ADGRA3: variants seen among roughly 807,000 people sequenced by gnomAD.
ADGRA3 encodes adhesion G protein-coupled receptor A3.
In ADGRA3, 56 loss-of-function variants were observed where a neutral mutation model predicts 119.8. The observed-to-expected ratio is 0.47, with a 90% CI of 0.38 to 0.58. The LOEUF is 0.58. Ranked by LOEUF, ADGRA3 falls within the 20% of genes least tolerant of loss-of-function variation. The pLI is 0.00. For missense variants in ADGRA3, 1,516 were observed against 1,649.0 expected (o/e 0.92, Z 1.40); for synonymous variants, 607 against 623.8 (o/e 0.97, Z 0.40).
intron 10 of ADGRA3, among the ~76,000 whole-genome samples, chr4:22,429,118 TA>T (rs938585144): frequency 6.6e-6 from 1 of 151,892 alleles, no homozygotes; most frequent in Non-Finnish European, 1.5e-5. Flanking sequence ...TTCAAAACTT[TA>T]AAAAAAACTG....
chr4:22,427,476 C>T (rs1362249545), intron 10 of ADGRA3, among the ~76,000 whole-genome samples: 1 of 150,484 alleles, frequency 6.6e-6, no homozygotes, highest in Non-Finnish European at 1.5e-5. Context: ...AAAAAAACAA[C>T]AAATATCTCT....
chr4:22,468,246 TG>T (rs1350268070), intron 2 of ADGRA3, among the ~76,000 whole-genome samples: 2 of 152,214 alleles, frequency 1.3e-5, no homozygotes, highest in Non-Finnish European at 2.9e-5. Flanking sequence ...CACAGCAGGC[TG>T]CTCTGCTCCT....
intron 9 of ADGRA3, among the ~76,000 whole-genome samples, 173 bp downstream of exon 9, chr4:22,436,267 C>CT (rs2109061721): frequency 6.6e-6 from 1 of 151,630 alleles, no homozygotes; most frequent in Admixed American, 6.6e-5. Flanking sequence ...TATAGAGGGC[C>CT]TTGACTAGTG....
At chr4:22,469,868 C>G (rs1169795890) in intron 2 of ADGRA3, among the ~76,000 whole-genome samples, 1 of 152,194 alleles carries the variant, frequency 6.6e-6, no homozygotes, top group African/African-American at 2.4e-5. Flanking sequence ...TCATCCCATT[C>G]CACCACAAAC....
rs772721601 is a variant in ADGRA3, at chr4:22,387,787, T to C, written c.3884A>G (p.Asn1295Ser). The change falls in exon 19 of 19, where the codon AAT (asparagine) becomes AGT (serine). Residue 1295 changes from asparagine to serine, a missense_variant. By Grantham distance (46) the Asn-to-Ser change is conservative. This residue lies in a region of ADGRA3 where 1,088 missense variants were observed against 1,107.1 expected (regional missense o/e 0.98). Coordinates refer to ENST00000334304, the MANE Select transcript of ADGRA3 (RefSeq NM_145290.4). ...ACCGAGCAAGGGTCCCTCCTGCCCATTGCTTTTAATTGGTCCATTCTGAAT... is the reference window on the plus strand; with the variant it reads ...ACCGAGCAAGGGTCCCTCCTGCCCACTGCTTTTAATTGGTCCATTCTGAAT... Reference protein sequence around the residue: ...LAIQNGPIKSNGQEGPLLGTD... With the variant: ...LAIQNGPIKSSGQEGPLLGTD... 1.9e-6 allele frequency: 3 copies of C among 1,614,140 alleles called. No homozygotes were observed. Among genetic ancestry groups the C allele is most frequent in the Admixed American group, 1.7e-5 (1 of 60,024 alleles).
At chr4:22,435,987 G>C (rs747539319) in intron 9 of ADGRA3, among the ~76,000 whole-genome samples, 2 of 152,076 alleles carry the variant, frequency 1.3e-5, no homozygotes, top group Admixed American at 1.3e-4. Flanking sequence ...AGGGGCAAAA[G>C]AAAATACATT....
chr4:22,468,161 C>A (rs964448785), intron 2 of ADGRA3, among the ~76,000 whole-genome samples: 4 of 152,166 alleles, frequency 2.6e-5, no homozygotes, highest in Non-Finnish European at 4.4e-5. Context: ...TCACCTCCAA[C>A]CACAAAGTCA....
chr4:22,392,737 C>A, intron 16 of ADGRA3, 47 bp from the exon 17 acceptor site: 3 of 1,552,570 alleles, frequency 1.9e-6, no homozygotes, highest in Non-Finnish European at 2.6e-6. Flanking sequence ...AATGTTCCTA[C>A]TAAGGCTTAC....
intron 8 of ADGRA3, among the ~76,000 whole-genome samples, chr4:22,437,232 CTT>C (rs1716431772): frequency 6.6e-6 from 1 of 152,094 alleles, no homozygotes. Context: ...ACATAAAAGA[CTT>C]ATCCATTGGC....
chr4:22,423,021 C>A (rs887310596), intron 11 of ADGRA3, among the ~76,000 whole-genome samples: 1 of 152,000 alleles, frequency 6.6e-6, no homozygotes. Flanking sequence ...CGTAATGTAA[C>A]CCCGTCTCTA....
chr4:22,508,583 TC>T (rs1396633592), intron 1 of ADGRA3, among the ~76,000 whole-genome samples: 1 of 152,192 alleles, frequency 6.6e-6, no homozygotes, highest in East Asian at 1.9e-4. Context: ...TTACTCTTGA[TC>T]CAATGGCTCT....
rs372373246 is a variant in ADGRA3, at chr4:22,387,816, C to T, written c.3855G>A (p.Leu1285=). The change falls in exon 19 of 19, where the codon TTG becomes TTA. Residue 1285 remains leucine (L), a synonymous_variant. Coordinates refer to ENST00000334304, the MANE Select transcript of ADGRA3 (RefSeq NM_145290.4). ...TTTTAATTGGTCCATTCTGAATGGCCAAGTTGAGGCCATAAGATTTTTGCT... is the reference window on the plus strand; with the variant it reads ...TTTTAATTGGTCCATTCTGAATGGCTAAGTTGAGGCCATAAGATTTTTGCT... ...ENQQKSYGLN[L]AIQNGPIKSN... is the part of the protein sequence containing the mutation. 9 of 1,614,094 alleles carry T rather than the reference C, an allele frequency of 5.6e-6. No homozygotes were observed. The highest frequency in any genetic ancestry group is 7.6e-6 in the Non-Finnish European group (9 of 1,179,990).
chr4:22,419,999 A>G (rs531726991), intron 12 of ADGRA3: 1 of 152,740 alleles, frequency 6.5e-6, no homozygotes, highest in Non-Finnish European at 1.5e-5. Flanking sequence ...GCTCTCTTTA[A>G]TGGTGGTCAC....
At chr4:22,432,258 C>T (rs1053367189) in intron 10 of ADGRA3, among the ~76,000 whole-genome samples, 3 of 151,994 alleles carry the variant, frequency 2.0e-5, no homozygotes, top group African/African-American at 4.8e-5. Context: ...ATTCTCTGAA[C>T]CCATTTCAGA....
At chr4:22,473,721 G>A in intron 2 of ADGRA3, 51 bp downstream of exon 2, 1 of 1,007,550 alleles carries the variant, frequency 9.9e-7, no homozygotes, top group South Asian at 1.9e-5. Flanking sequence ...GATTTACAAT[G>A]AAAATGCATT....
intron 1 of ADGRA3, among the ~76,000 whole-genome samples, chr4:22,477,117 C>A (rs569863226): frequency 8.6e-5 from 13 of 151,942 alleles, no homozygotes; most frequent in Non-Finnish European, 1.5e-5. Flanking sequence ...TTGAGTGTAT[C>A]TTAGAAATAA....
chr4:22,490,767 G>A (rs1489774304), intron 1 of ADGRA3, among the ~76,000 whole-genome samples: 1 of 152,144 alleles, frequency 6.6e-6, no homozygotes, highest in Non-Finnish European at 1.5e-5. Context: ...CAAAGAAGGG[G>A]AAAATCATTT....
At chr4:22,480,035 A>G (rs1000172698) in intron 1 of ADGRA3, among the ~76,000 whole-genome samples, 1 of 152,154 alleles carries the variant, frequency 6.6e-6, no homozygotes, top group Non-Finnish European at 1.5e-5. Flanking sequence ...TAGGAGAAAT[A>G]CCTACTGTAG....
At chr4:22,399,681 C>T (rs1311871756) in intron 16 of ADGRA3, among the ~76,000 whole-genome samples, 3 of 152,126 alleles carry the variant, frequency 2.0e-5, no homozygotes, top group African/African-American at 7.2e-5. Flanking sequence ...TCCCATTGGC[C>T]AATTTATCTC....
Sources: gnomAD v4.1 joint callset for allele counts (sites outside exome capture counted in the v4.1 genomes callset) on GRCh38, gnomAD v4.1.1 for gene constraint, gnomAD v4.1.1 regional missense constraint, MANE v1.5 for transcripts, NCBI Gene and HGNC (gene_info 2026-07-23, HGNC 2026-07-21) for gene names.